The following PSAPL1 variants were observed in gnomAD, a reference collection of about 807,000 sequenced individuals.
PSAPL1 encodes the protein prosaposin like 1.
For missense variants in PSAPL1, 814 were observed against 688.8 expected (o/e 1.18, Z -2.03); for synonymous variants, 351 against 291.6 (o/e 1.20, Z -2.08).
rs1727107889 is a variant in PSAPL1 at position 7,434,167 on chromosome 4, G to C, written c.713C>G (p.Ala238Gly). Residue 238 changes from alanine (A) to glycine (G), a missense_variant, in exon 1 of 1, where the codon GCA (alanine) becomes GGA (glycine). Ala to Gly is a moderately conservative substitution (Grantham distance 60). Coordinates refer to ENST00000319098, the MANE Select transcript of PSAPL1 (RefSeq NM_001085382.2). ...LFQFFVPADQ[A>G]LRLLPPQELC... The stretch of plus-strand genomic sequence containing the variant: ...CTCCTGCGGGGGGAGAAGCCTCAGT[G>C]CTTGGTCAGCAGGGACAAAAAACTG... 2 of 1,613,830 alleles carry C rather than the reference G, an allele frequency of 1.2e-6. No homozygotes were observed. The highest frequency in any genetic ancestry group is 1.7e-6 in the Non-Finnish European group (2 of 1,179,902).
chr4:7,430,998 TGTTCCGGGCTTG>T lies in PSAPL1; in HGVS notation c.*2304_*2315del, dbSNP rs918657699. ...ACGAGCACTTGCAGAGCACCTCCTG[TGTTCCGGGCTTG>T]GTTCCGGGCACAGGGGATGGAGGTG... On this transcript the variant is annotated 3_prime_UTR_variant, in exon 1 of 1. Transcript: ENST00000319098. 1.3e-5 allele frequency: 2 copies of T among 152,278 alleles called. No individual in the cohort carries two copies. The highest frequency in any genetic ancestry group is 2.9e-5 in the Non-Finnish European group (2 of 68,098). The allele number at this position is 152,278 out of a possible 1,614,324, so 9.4% of individuals were successfully genotyped here. A position where few individuals can be genotyped will look rare whatever the true frequency, so the allele number is the denominator to read the frequency against.
In PSAPL1 at chr4:7,434,403, A is replaced by T. The variant is rs745631879; in HGVS notation, c.477T>A (p.Phe159Leu). 9.9e-6 allele frequency: 16 copies of T among 1,608,234 alleles called. No homozygotes were observed. The South Asian group carries it at 1.8e-4, about 18-fold the overall frequency. ...TLRPLSKEDT[F>L]EAVAPFMANG... ...TGGCCATGAACGGAGCCACAGCCTCAAAGGTGTCCTCTTTGGAGAGTGGCC... is the reference window on the plus strand; with the variant it reads ...TGGCCATGAACGGAGCCACAGCCTCTAAGGTGTCCTCTTTGGAGAGTGGCC... Residue 159 changes from phenylalanine (F) to leucine (L), a missense_variant, in exon 1 of 1, where the codon TTT becomes TTA. By Grantham distance (22) the Phe-to-Leu change is conservative. Coordinates refer to ENST00000319098, the MANE Select transcript of PSAPL1 (RefSeq NM_001085382.2).
Position 7,432,688 on chromosome 4 carries a change from G to C in PSAPL1, c.*626C>G, listed in dbSNP as rs114620595. 590 of 149,530 alleles carry C rather than the reference G, an allele frequency of 3.9e-3. 4 individuals are homozygous for C. The highest frequency in any genetic ancestry group is 4.5e-3 in the Non-Finnish European group (308 of 68,126). The allele number at this position is 149,530 out of a possible 1,614,324, so 9.3% of individuals were successfully genotyped here. ...GGACCCTGTAGTGGCTGAGACATGG[G>C]GGGGGACTGCTCCGAAGCCCAGCAG... On this transcript the variant is annotated 3_prime_UTR_variant, in exon 1 of 1. Transcript: ENST00000319098.
Position 7,434,423 on chromosome 4 carries a change from G to A in PSAPL1, c.457C>T (p.Leu153Phe). The A allele has an allele frequency of 6.2e-7, 1 of 1,608,866 alleles. No homozygotes were observed. Among genetic ancestry groups the A allele is most frequent in the Non-Finnish European group, 8.5e-7 (1 of 1,178,350 alleles). Residue 153 changes from leucine (L) to phenylalanine (F), a missense_variant, in exon 1 of 1, where the codon CTC becomes TTC. Leu to Phe is a conservative substitution (Grantham distance 22). Coordinates refer to ENST00000319098, the MANE Select transcript of PSAPL1 (RefSeq NM_001085382.2). ...LQRHLATLRP[L>F]SKEDTFEAVA... ...GCCTCAAAGGTGTCCTCTTTGGAGA[G>A]TGGCCTCAGGGTGGCCAGGTGCCTC...
At position 7,433,896 on chromosome 4, in the gene PSAPL1, C is replaced by G; in HGVS notation, c.984G>C (p.Met328Ile). 6.2e-7 allele frequency: 1 copy of G among 1,613,860 alleles called. No individual in the cohort carries two copies. Among genetic ancestry groups the G allele is most frequent in the Non-Finnish European group, 8.5e-7 (1 of 1,179,892 alleles). The change falls in exon 1 of 1, where the codon ATG becomes ATC. Residue 328 changes from methionine to isoleucine, a missense_variant. Transcript: ENST00000319098. ...TGCACTCCTTCGTGATAGAGGCAGG[C>G]ATTACCGAGCACACGCGCTCCAGGG... ...THALERVCSVMPASITKECII... is the reference protein window; with the variant it reads ...THALERVCSVIPASITKECII...
rs1305390149 is a variant in PSAPL1, at chr4:7,434,794, C to A, written c.86G>T (p.Gly29Val). The A allele has an allele frequency of 1.9e-6, 3 of 1,610,596 alleles. No homozygotes were observed. Among genetic ancestry groups the A allele is most frequent in the East Asian group, 2.2e-5 (1 of 44,754 alleles). Residue 29 changes from glycine to valine, a missense_variant, in exon 1 of 1, where the codon GGC becomes GTC. By Grantham distance (109) the Gly-to-Val change is moderately radical. Transcript: ENST00000319098. ...CAGATCCTGACACCACACCGTGGAG[C>A]CCTTTGCACACTCCTGGGGGCCTGA... ...PTSGPQECAKGSTVWCQDLQT... is the reference protein window; with the variant it reads ...PTSGPQECAKVSTVWCQDLQT...
Position 7,433,650 on chromosome 4 carries a change from C to T in PSAPL1, c.1230G>A (p.Leu410=), listed in dbSNP as rs6844846. The T allele has an allele frequency of 2.1e-3, 3,365 of 1,610,104 alleles. 66 individuals carry two copies. In the African/African-American group the frequency reaches 0.039, roughly 19 times the overall value. ...TGTCTCGCTTGGTGCTCTTGCTCTC[C>T]AAGTTGTGGGAGGACACCGTGAGCA... is the stretch of plus-strand genomic sequence containing the variant. ...KRLLTVSSHN[L]ESKSTKRDIL... Residue 410 remains leucine (L), a synonymous_variant, in exon 1 of 1, where the codon TTG becomes TTA. Coordinates refer to ENST00000319098, the MANE Select transcript of PSAPL1 (RefSeq NM_001085382.2).
rs749649439 is a variant in PSAPL1, at chr4:7,434,710, G to T, written c.170C>A (p.Pro57His). Residue 57 changes from proline (P) to histidine (H), a missense_variant, in exon 1 of 1, where the codon CCC becomes CAC. Pro to His is a moderately conservative substitution (Grantham distance 77). Coordinates refer to ENST00000319098, the MANE Select transcript of PSAPL1 (RefSeq NM_001085382.2). ...GTCGCAGGGCAGAGACTTCGCGGTGGGTTTGTTCCATACGGCCCCTTGGCA... is the reference window on the plus strand; with the variant it reads ...GTCGCAGGGCAGAGACTTCGCGGTGTGTTTGTTCCATACGGCCCCTTGGCA... ...GYCQGAVWNK[P>H]TAKSLPCDVC... 13 of 1,612,908 alleles carry T rather than the reference G, an allele frequency of 8.1e-6. No individual in the cohort carries two copies. Among genetic ancestry groups the T allele is most frequent in the African/African-American group, 2.7e-5 (2 of 74,920 alleles).
Position 7,430,923 on chromosome 4 carries a change from C to G in PSAPL1, c.*2391G>C, listed in dbSNP as rs1726804816. On this transcript the variant is annotated 3_prime_UTR_variant, in exon 1 of 1. Coordinates refer to ENST00000319098, the MANE Select transcript of PSAPL1 (RefSeq NM_001085382.2). ...TGCCGTCAGCACCAGTGGGCCCGTC[C>G]CTTGCTCCTCCTGCCTCTCTGCCTT... 1 of 152,408 alleles carries G rather than the reference C, an allele frequency of 6.6e-6. No homozygotes were observed. The highest frequency in any genetic ancestry group is 1.5e-5 in the Non-Finnish European group (1 of 68,208). The allele number at this position is 152,408 out of a possible 1,614,324, so 9.4% of individuals were successfully genotyped here.
Position 7,430,384 on chromosome 4 carries a change from AAACAAAACAAAAACAACAACAACAAAG to A in PSAPL1, c.*2903_*2929del, listed in dbSNP as rs1434211226. On this transcript the variant is annotated 3_prime_UTR_variant, in exon 1 of 1. Transcript: ENST00000319098. Reference sequence around the variant, plus strand: ...AGCCAAAACAAACAAACAAACAAACAAACAAAACAAAAACAACAACAACAAAGCAGCTGGACCACCAAGCCCTTTTCC... The same window carrying A: ...AGCCAAAACAAACAAACAAACAAACACAGCTGGACCACCAAGCCCTTTTCC... 1 of 148,108 alleles carries A rather than the reference AAACAAAACAAAAACAACAACAACAAAG, an allele frequency of 6.8e-6. No homozygotes were observed. The highest frequency in any genetic ancestry group is 2.5e-5 in the African/African-American group (1 of 40,400). 9.2% of individuals were successfully genotyped at this position (148,108 alleles called of 1,614,324 possible). A position where few individuals can be genotyped will look rare whatever the true frequency, so the allele number is the denominator to read the frequency against.
Position 7,434,320 on chromosome 4 carries a change from C to T in PSAPL1, c.560G>A (p.Cys187Tyr). Residue 187 changes from cysteine (C) to tyrosine (Y), a missense_variant, in exon 1 of 1, where the codon TGT becomes TAT. Cys to Tyr is a radical substitution (Grantham distance 194). Transcript: ENST00000319098. ...QAPEGALCQDCVRQVSRLQEA... is the reference protein window; with the variant it reads ...QAPEGALCQDYVRQVSRLQEA... ...CTGGAGTCGGGAGACCTGCCGTACA[C>T]AGTCTTGGCACAGAGCTCCTTCAGG... 1.2e-6 allele frequency: 2 copies of T among 1,611,334 alleles called. No individual in the cohort carries two copies. Among genetic ancestry groups the T allele is most frequent in the Non-Finnish European group, 1.7e-6 (2 of 1,179,102 alleles).
In PSAPL1 at chr4:7,432,479, G is replaced by A. The variant is rs1200630205; in HGVS notation, c.*835C>T. Reference sequence around the variant, plus strand: ...TAGAAAACTGAGGCTCAGACAGCTGGAGGGCTGTGTTCACCGTCTTTGCCC... The same window carrying A: ...TAGAAAACTGAGGCTCAGACAGCTGAAGGGCTGTGTTCACCGTCTTTGCCC... On this transcript the variant is annotated 3_prime_UTR_variant, in exon 1 of 1. Transcript: ENST00000319098. 6.6e-6 allele frequency: 1 copy of A among 152,094 alleles called. No homozygotes were observed. The highest frequency in any genetic ancestry group is 1.5e-5 in the Non-Finnish European group (1 of 68,040). The allele number at this position is 152,094 out of a possible 1,614,324, so 9.4% of individuals were successfully genotyped here.
chr4:7,433,496 C>A lies in PSAPL1; in HGVS notation c.1384G>T (p.Val462Leu). ...TGGCAGGCCCCCACCTTCTTGCACA[C>A]AGCCACGGGGTCCATCATGTCCTTG... ...SLKDMMDPVA[V>L]CKKVGACHGP... The change falls in exon 1 of 1, where the codon GTG becomes TTG. Residue 462 changes from valine (V) to leucine (L), a missense_variant. Transcript: ENST00000319098. 1 of 1,597,354 alleles carries A rather than the reference C, an allele frequency of 6.3e-7. No homozygotes were observed. Among genetic ancestry groups the A allele is most frequent in the Non-Finnish European group, 8.5e-7 (1 of 1,172,722 alleles).
chr4:7,433,266 C>T lies in PSAPL1; in HGVS notation c.*48G>A, dbSNP rs78445843. On this transcript the variant is annotated 3_prime_UTR_variant, in exon 1 of 1. Transcript: ENST00000319098. ...TGTGAAATGGGGATGGGGAAAGCAC[C>T]CACCTCATGGGCCTCGCTAGCAGGC... 6,824 of 1,335,852 alleles carry T rather than the reference C, an allele frequency of 5.1e-3. 286 individuals carry two copies. In the African/African-American group the frequency reaches 0.092, roughly 18 times the overall value. 82.7% of individuals were successfully genotyped at this position (1,335,852 alleles called of 1,614,324 possible). A position where few individuals can be genotyped will look rare whatever the true frequency, so the allele number is the denominator to read the frequency against.
rs1234266136 is a variant in PSAPL1 at position 7,434,150 on chromosome 4, G to C, written c.730C>G (p.Pro244Ala). The C allele has an allele frequency of 1.2e-6, 2 of 1,613,912 alleles. No homozygotes were observed. The highest frequency in any genetic ancestry group is 1.7e-5 in the Admixed American group (1 of 60,030). The change falls in exon 1 of 1, where the codon CCG becomes GCG. Residue 244 changes from proline (P) to alanine (A), a missense_variant. Physicochemically the swap from Pro to Ala is conservative, Grantham distance 27 (BLOSUM62 -1). Transcript: ENST00000319098. ...CCCCCCTTCCTGCAGAGCTCCTGCG[G>C]GGGGAGAAGCCTCAGTGCTTGGTCA... ...PADQALRLLP[P>A]QELCRKGGFC...
rs1041537538 is a variant in PSAPL1 at position 7,434,596 on chromosome 4, C to G, written c.284G>C (p.Cys95Ser). Residue 95 changes from cysteine to serine, a missense_variant, in exon 1 of 1, where the codon TGT becomes TCT. Cys to Ser is a moderately radical substitution (Grantham distance 112). Coordinates refer to ENST00000319098, the MANE Select transcript of PSAPL1 (RefSeq NM_001085382.2). The stretch of plus-strand genomic sequence containing the variant: ...AGACTCCTGGCTGGGGAGCCACTCA[C>G]AGGTCTTCATCACCAAAGCCAGGAT... ...SDILALVMKT[C>S]EWLPSQESSA... 3 of 1,613,472 alleles carry G rather than the reference C, an allele frequency of 1.9e-6. No individual in the cohort carries two copies. Among genetic ancestry groups the G allele is most frequent in the Non-Finnish European group, 2.5e-6 (3 of 1,179,754 alleles).
Position 7,433,148 on chromosome 4 carries a change from TAAGAG to T in PSAPL1, c.*161_*165del. ...GGGCAAAGCTGTGCGGCACCGTTGT[TAAGAG>T]AGAGGCTTTCGGGATCAGGAATACT... On this transcript the variant is annotated 3_prime_UTR_variant, in exon 1 of 1. Transcript: ENST00000319098. The T allele has an allele frequency of 1.5e-6, 1 of 668,058 alleles. No homozygotes were observed. The highest frequency in any genetic ancestry group is 2.2e-6 in the Non-Finnish European group (1 of 457,904). The allele number at this position is 668,058 out of a possible 1,614,324, so 41.4% of individuals were successfully genotyped here.
rs748365972 is a variant in PSAPL1 at position 7,434,436 on chromosome 4, G to A, written c.444C>T (p.Ala148=). The A allele has an allele frequency of 1.1e-5, 18 of 1,609,524 alleles. No individual in the cohort carries two copies. The Admixed American group carries it at 2.9e-4, about 26-fold the overall frequency. The change falls in exon 1 of 1, where the codon GCC becomes GCT. Residue 148 remains alanine, a synonymous_variant. Transcript: ENST00000319098. ...CCTCTTTGGAGAGTGGCCTCAGGGT[G>A]GCCAGGTGCCTCTGCAGCGGCTCAC... ...SLCEPLQRHL[A]TLRPLSKEDT...
chr4:7,432,636 G>T lies in PSAPL1; in HGVS notation c.*678C>A. 6.6e-6 allele frequency: 1 copy of T among 152,264 alleles called. No homozygotes were observed. The allele number at this position is 152,264 out of a possible 1,614,324, so 9.4% of individuals were successfully genotyped here. On this transcript the variant is annotated 3_prime_UTR_variant, in exon 1 of 1. Transcript: ENST00000319098. ...CCTTCTGCTCATTACCAGGGCAGCG[G>T]AGGGTCTGGGGTGCAAGGAGAGAGA...
Sources: gnomAD v4.1 joint callset for allele counts on GRCh38, gnomAD v4.1.1 for gene constraint, MANE v1.5 for transcripts, NCBI Gene and HGNC (gene_info 2026-07-23, HGNC 2026-07-21) for gene names.